The following ADGRL3 variants were observed in gnomAD, a reference collection of about 807,000 sequenced individuals.
ADGRL3 encodes adhesion G protein-coupled receptor L3, also known as calcium-independent alpha-latrotoxin receptor 3.
ADGRL3 carries 62 observed loss-of-function variants against 153.5 expected under a neutral mutation model. The observed-to-expected ratio is 0.40, with a 90% CI of 0.33 to 0.50. The LOEUF is 0.50. ADGRL3 is among the 20% of genes least tolerant of loss of function. The pLI, the probability that ADGRL3 is intolerant of heterozygous loss-of-function variation, is 0.47. For missense variants in ADGRL3, 1,641 were observed against 1,859.4 expected (o/e 0.88, Z 2.16); for synonymous variants, 710 against 672.5 (o/e 1.06, Z -0.86).
chr4:61,802,581 G>C (rs1202147266), intron 8 of ADGRL3, among the ~76,000 whole-genome samples: 1 of 151,994 alleles, frequency 6.6e-6, no homozygotes, highest in East Asian at 1.9e-4. Context: ...GGTCATCAGG[G>C]AACAATCTGA....
intron 3 of ADGRL3, among the ~76,000 whole-genome samples, chr4:61,515,362 T>C (rs1715049583): frequency 6.6e-6 from 1 of 152,196 alleles, no homozygotes. Flanking sequence ...TCCAAATATT[T>C]CACAAAAACC....
intron 1 of ADGRL3, among the ~76,000 whole-genome samples, chr4:61,335,760 G>A (rs571575967): frequency 6.6e-6 from 1 of 152,262 alleles, no homozygotes; most frequent in East Asian, 1.9e-4. Context: ...AATAAATTCG[G>A]TGTATGTGTG....
intron 1 of ADGRL3, among the ~76,000 whole-genome samples, chr4:61,328,452 C>G (rs2095506448): frequency 6.6e-6 from 1 of 151,970 alleles, no homozygotes; most frequent in African/African-American, 2.4e-5. Flanking sequence ...ATCCTCCTTG[C>G]AATGAAAGGA....
intron 4 of ADGRL3, among the ~76,000 whole-genome samples, chr4:61,576,044 G>A (rs1311557982): frequency 1.3e-5 from 2 of 152,042 alleles, no homozygotes; most frequent in East Asian, 3.9e-4. Context: ...CTTTTCACCG[G>A]TTTCCTGTGA....
intron 1 of ADGRL3, among the ~76,000 whole-genome samples, chr4:61,287,185 TA>T (rs1485882702): frequency 1.3e-5 from 2 of 151,946 alleles, no homozygotes; most frequent in Non-Finnish European, 2.9e-5. Flanking sequence ...ACAGTTTTTG[TA>T]ATCATATCAT....
intron 1 of ADGRL3, among the ~76,000 whole-genome samples, chr4:61,215,473 C>G (rs758759741): frequency 6.7e-6 from 1 of 150,074 alleles, no homozygotes; most frequent in Non-Finnish European, 1.5e-5. Context: ...AATATATTGT[C>G]AAGAGTTGAA....
chr4:61,906,982 G>A (rs2098698841), intron 11 of ADGRL3, among the ~76,000 whole-genome samples: 1 of 151,940 alleles, frequency 6.6e-6, no homozygotes, highest in Non-Finnish European at 1.5e-5. Context: ...ATGTTCCCAT[G>A]TTCTGTGTTG....
chr4:61,349,982 A>G (rs2096007182), intron 1 of ADGRL3, among the ~76,000 whole-genome samples: 2 of 152,206 alleles, frequency 1.3e-5, no homozygotes, highest in African/African-American at 2.4e-5. Flanking sequence ...TTATTGAATA[A>G]TCACGCAGAA....
intron 13 of ADGRL3, among the ~76,000 whole-genome samples, chr4:61,927,896 T>C (rs531117346): frequency 2.0e-5 from 3 of 151,494 alleles, no homozygotes; most frequent in African/African-American, 7.3e-5. Context: ...TATTTTCATC[T>C]GTCTATCTAT....
intron 8 of ADGRL3, among the ~76,000 whole-genome samples, chr4:61,753,809 T>A (rs1478371961): frequency 6.6e-6 from 1 of 152,216 alleles, no homozygotes; most frequent in Non-Finnish European, 1.5e-5. Flanking sequence ...TTTACATTAG[T>A]GCAGCAAGAA....
chr4:61,707,666 G>T (rs1207325526), intron 6 of ADGRL3, among the ~76,000 whole-genome samples: 1 of 151,932 alleles, frequency 6.6e-6, no homozygotes, highest in Non-Finnish European at 1.5e-5. Flanking sequence ...TTTCTAATCA[G>T]ACCTTAGAAA....
intron 9 of ADGRL3, among the ~76,000 whole-genome samples, chr4:61,852,574 G>A (rs933166166): frequency 1.3e-5 from 2 of 151,998 alleles, no homozygotes; most frequent in Non-Finnish European, 2.9e-5. Flanking sequence ...CTCGGCCTCC[G>A]AAAGTGTTGG....
chr4:61,900,977 C>T (rs1436067505), intron 11 of ADGRL3, among the ~76,000 whole-genome samples: 1 of 152,136 alleles, frequency 6.6e-6, no homozygotes, highest in African/African-American at 2.4e-5. Flanking sequence ...TGATCTCCAG[C>T]TTGCACTCAG....
intron 25 of ADGRL3, among the ~76,000 whole-genome samples, chr4:62,064,370 C>A (rs1741820084): frequency 6.7e-6 from 1 of 150,082 alleles, no homozygotes; most frequent in Non-Finnish European, 1.5e-5. Context: ...CTCTTTAAAA[C>A]CACTTACAAT....
chr4:61,482,286 G>A (rs542107397), intron 2 of ADGRL3, among the ~76,000 whole-genome samples: 2 of 152,228 alleles, frequency 1.3e-5, no homozygotes, highest in Admixed American at 6.5e-5. Flanking sequence ...TGCTTTATCA[G>A]TCATCACTGT....
chr4:61,232,243 A>G (rs1490010722), intron 1 of ADGRL3, among the ~76,000 whole-genome samples: 1 of 152,086 alleles, frequency 6.6e-6, no homozygotes, highest in Non-Finnish European at 1.5e-5. Context: ...AAGAGACAGA[A>G]TATCAATTTT....
intron 1 of ADGRL3, among the ~76,000 whole-genome samples, chr4:61,352,569 G>A (rs1397920852): frequency 6.6e-6 from 1 of 151,902 alleles, no homozygotes; most frequent in Non-Finnish European, 1.5e-5. Flanking sequence ...ATTTTTAGTA[G>A]AGACAGGGTC....
chr4:61,551,895 T>C (rs1009290859), intron 4 of ADGRL3, among the ~76,000 whole-genome samples: 3 of 152,200 alleles, frequency 2.0e-5, no homozygotes, highest in Admixed American at 6.5e-5. Context: ...TATACACTTA[T>C]GTATACATAT....
At chr4:61,575,256 A>T (rs1014029475) in intron 4 of ADGRL3, among the ~76,000 whole-genome samples, 1 of 152,008 alleles carries the variant, frequency 6.6e-6, no homozygotes, top group Admixed American at 6.6e-5. Flanking sequence ...CTCTAATAAG[A>T]GTTTTAGCAA....
Sources: allele counts gnomAD v4.1 joint callset (sites outside exome capture counted in the v4.1 genomes callset), GRCh38; gene constraint gnomAD v4.1.1; transcripts MANE v1.5; gene names NCBI Gene and HGNC (gene_info 2026-07-23, HGNC 2026-07-21).